Variants in PIEZO2 observed in about 807,000 individuals in gnomAD.
The protein encoded by PIEZO2 is piezo type mechanosensitive ion channel component 2, also known as piezo-type mechanosensitive ion channel component 2.
A neutral mutation model predicts 337.3 loss-of-function variants in PIEZO2; 172 were observed. That is an observed-to-expected ratio of 0.51 (90% CI 0.45 to 0.58). The LOEUF is 0.58. Ranked by LOEUF, PIEZO2 falls within the 20% of genes least tolerant of loss-of-function variation. The pLI, the probability that PIEZO2 is intolerant of heterozygous loss-of-function variation, is 0.00. For synonymous variants in PIEZO2, 1,251 were observed against 1,228.5 expected (o/e 1.02, Z -0.38); for missense variants, 3,028 against 3,391.3 (o/e 0.89, Z 2.66).
intron 2 of PIEZO2, among the ~76,000 whole-genome samples, chr18:11,045,602 T>C (rs1052859587): frequency 1.3e-5 from 2 of 152,162 alleles, no homozygotes; most frequent in African/African-American, 4.8e-5. Context: ...GAGCAGAGTG[T>C]CACTTTGTGC....
chr18:11,107,041 C>G (rs1415096343), intron 1 of PIEZO2, among the ~76,000 whole-genome samples: 2 of 152,188 alleles, frequency 1.3e-5, no homozygotes, highest in African/African-American at 4.8e-5. Context: ...GGTTGACCCC[C>G]CCAGTGCACT....
At chr18:11,108,613 CAAAAAAA>C (rs532226919) in intron 1 of PIEZO2, among the ~76,000 whole-genome samples, 18 of 56,884 alleles carry the variant, frequency 3.2e-4, no homozygotes, top group African/African-American at 4.1e-4. Context: ...GACTCCCTCT[CAAAAAAA>C]AAAAAAAAAA....
intron 37 of PIEZO2, among the ~76,000 whole-genome samples, chr18:10,717,491 G>A (rs189624607): frequency 1.1e-4 from 17 of 152,310 alleles, no homozygotes; most frequent in African/African-American, 1.9e-4. Context: ...CAAAGCAGAC[G>A]AAGAGATAAC....
Position 10,979,429 on chromosome 18 carries a change from T to C in PIEZO2, c.286+106A>G. Reference sequence around the variant, plus strand: ...CAAAAATTTCCATGAATTTTATAATTTAATTATTGCATAGATTTCTATGTG... The same window carrying C: ...CAAAAATTTCCATGAATTTTATAATCTAATTATTGCATAGATTTCTATGTG... On this transcript the variant is annotated intron_variant, in intron 3 of 55. Coordinates refer to ENST00000674853, the MANE Select transcript of PIEZO2 (RefSeq NM_001378183.1). The surrounding 1 kb of genome is among the most constrained non-coding windows in gnomAD (Gnocchi z 4.0). 8.4e-7 allele frequency: 1 copy of C among 1,196,386 alleles called. No homozygotes were observed. Among genetic ancestry groups the C allele is most frequent in the Admixed American group, 3.3e-5 (1 of 30,374 alleles). The allele number at this position is 1,196,386 out of a possible 1,614,324, so 74.1% of individuals were successfully genotyped here.
chr18:11,058,240 G>T (rs2037800602), intron 2 of PIEZO2, among the ~76,000 whole-genome samples: 1 of 152,134 alleles, frequency 6.6e-6, no homozygotes, highest in African/African-American at 2.4e-5. Flanking sequence ...GCAGCTGAGG[G>T]TCCTCACTGT....
At chr18:11,059,489 A>G (rs1473191248) in intron 2 of PIEZO2, among the ~76,000 whole-genome samples, 2 of 152,200 alleles carry the variant, frequency 1.3e-5, no homozygotes, top group Non-Finnish European at 2.9e-5. Context: ...AAGACCCATC[A>G]GTGTGCTGTA....
At chr18:10,926,254 G>T (rs1459608005) in intron 3 of PIEZO2, among the ~76,000 whole-genome samples, 1 of 152,180 alleles carries the variant, frequency 6.6e-6, no homozygotes, top group Non-Finnish European at 1.5e-5. Context: ...AGCTGCTCGG[G>T]ATCTCTACCC....
intron 1 of PIEZO2, among the ~76,000 whole-genome samples, chr18:11,082,597 G>A (rs974566657): frequency 1.2e-4 from 19 of 152,210 alleles, no homozygotes; most frequent in Admixed American, 5.9e-4. Flanking sequence ...GATTACAGGC[G>A]TGATGTTTCA....
At chr18:11,026,134 A>ACC (rs1260465798) in intron 2 of PIEZO2, among the ~76,000 whole-genome samples, 2 of 152,210 alleles carry the variant, frequency 1.3e-5, no homozygotes, top group African/African-American at 2.4e-5. Context: ...ACAAACATGC[A>ACC]ATTGAGTTGC....
chr18:10,744,035 C>T, intron 31 of PIEZO2, 107 bp downstream of exon 31: 1 of 718,472 alleles, frequency 1.4e-6, no homozygotes, highest in Non-Finnish European at 2.3e-6. Flanking sequence ...AAAGTCCATA[C>T]ATATATATTT....
At chr18:10,827,501 CTT>C (rs1025107869) in intron 7 of PIEZO2, among the ~76,000 whole-genome samples, 1 of 145,532 alleles carries the variant, frequency 6.9e-6, no homozygotes, top group African/African-American at 2.7e-5. Context: ...CATTTGCCTC[CTT>C]TTTTTCTCTC....
intron 3 of PIEZO2, among the ~76,000 whole-genome samples, chr18:10,963,538 A>T (rs930365138): frequency 5.9e-5 from 9 of 152,200 alleles, no homozygotes; most frequent in Non-Finnish European, 1.3e-4. Context: ...AATAAGAAAA[A>T]AACTTAATTC....
At position 10,772,929 on chromosome 18, in the gene PIEZO2, T is replaced by C. The variant is rs141860164; in HGVS notation, c.2785+483A>G. Among the ~76,000 whole-genome samples, 107 of 152,346 alleles carry C rather than the reference T, an allele frequency of 7.0e-4. No individual in the cohort carries two copies. The East Asian group carries it at 0.011, about 16-fold the overall frequency. On this transcript the variant is annotated intron_variant, in intron 20 of 55. Coordinates refer to ENST00000674853, the MANE Select transcript of PIEZO2 (RefSeq NM_001378183.1). ...TTTGCTTGAAATTATAATTATCCAA[T>C]TGCTGACTTTCTCCTCCAGTTCCCA...
chr18:10,735,784 C>A (rs1598415316), intron 34 of PIEZO2, among the ~76,000 whole-genome samples: 1 of 152,166 alleles, frequency 6.6e-6, no homozygotes, highest in Admixed American at 6.5e-5. Flanking sequence ...ATGGGCCCCA[C>A]CCACTTGAGA....
rs1055969992 is a variant in PIEZO2, at chr18:11,129,197, C to T, written c.64+19328G>A. On this transcript the variant is annotated intron_variant, in intron 1 of 55. Coordinates refer to ENST00000674853, the MANE Select transcript of PIEZO2 (RefSeq NM_001378183.1). This position sits in a 1 kb window ranked among gnomAD's most constrained non-coding sequence, Gnocchi z 4.6. Reference sequence around the variant, plus strand: ...CAGAAGATATACCCTTGACCAATGCCTTGTGAAACAGATTTGTGAGGGCAG... The same window carrying T: ...CAGAAGATATACCCTTGACCAATGCTTTGTGAAACAGATTTGTGAGGGCAG... 6.6e-6 allele frequency among the ~76,000 whole-genome samples: 1 copy of T among 152,150 alleles called. No homozygotes were observed. The highest frequency in any genetic ancestry group is 1.5e-5 in the Non-Finnish European group (1 of 68,034).
At position 10,855,596 on chromosome 18, in the gene PIEZO2, A is replaced by G. The variant is rs1598588614; in HGVS notation, c.704-30T>C. 2 of 1,470,484 alleles carry G rather than the reference A, an allele frequency of 1.4e-6. No homozygotes were observed. Among genetic ancestry groups the G allele is most frequent in the East Asian group, 2.5e-5 (1 of 40,282 alleles). 91.1% of individuals were successfully genotyped at this position (1,470,484 alleles called of 1,614,324 possible). A position where few individuals can be genotyped will look rare whatever the true frequency, so the allele number is the denominator to read the frequency against. On this transcript the variant is annotated intron_variant, in intron 6 of 55. Transcript: ENST00000674853. The surrounding 1 kb of genome is among the most constrained non-coding windows in gnomAD (Gnocchi z 4.9). The stretch of plus-strand genomic sequence containing the variant: ...GGAAGAGAAACGTAATCACAAAGTC[A>G]GGTAGAACTGGAAATTCACTTATCA...
In PIEZO2 at chr18:11,129,127, A is replaced by G. The variant is rs911945974; in HGVS notation, c.64+19398T>C. Among the ~76,000 whole-genome samples, 1 of 152,174 alleles carries G rather than the reference A, an allele frequency of 6.6e-6. No individual in the cohort carries two copies. Among genetic ancestry groups the G allele is most frequent in the African/African-American group, 2.4e-5 (1 of 41,424 alleles). ...AGGCTTAGGGAGATTGGGATGGTGGAGTGGATTAGTCACTTTAGACCTACG... is the reference window on the plus strand; with the variant it reads ...AGGCTTAGGGAGATTGGGATGGTGGGGTGGATTAGTCACTTTAGACCTACG... On this transcript the variant is annotated intron_variant, in intron 1 of 55. Coordinates refer to ENST00000674853, the MANE Select transcript of PIEZO2 (RefSeq NM_001378183.1). The surrounding 1 kb of genome is among the most constrained non-coding windows in gnomAD (Gnocchi z 4.6).
chr18:10,917,113 CA>C (rs2031039752), intron 3 of PIEZO2, among the ~76,000 whole-genome samples: 1 of 81,806 alleles, frequency 1.2e-5, no homozygotes, highest in Admixed American at 1.4e-4. Flanking sequence ...TCGTTCTGTA[CA>C]AATATACATA....
intron 1 of PIEZO2, among the ~76,000 whole-genome samples, chr18:11,123,536 C>T (rs1396770581): frequency 2.6e-5 from 4 of 152,102 alleles, no homozygotes; most frequent in East Asian, 3.9e-4. Flanking sequence ...GGGACGGGCA[C>T]GGTGGCTCAT....
Sources: allele counts gnomAD v4.1 joint callset (sites outside exome capture counted in the v4.1 genomes callset), GRCh38; gene constraint gnomAD v4.1.1; non-coding constraint Gnocchi (gnomAD v3.1); transcripts MANE v1.5; gene names NCBI Gene and HGNC (gene_info 2026-07-23, HGNC 2026-07-21).